Variants in ADAMTS20 observed in about 807,000 individuals in gnomAD.
The protein encoded by ADAMTS20 is ADAM metallopeptidase with thrombospondin type 1 motif 20.
Under a neutral mutation model 260.1 loss-of-function variants are expected in ADAMTS20, and 225 were observed. The ratio of observed to expected loss-of-function variants is 0.87; its 90% CI spans 0.78 to 0.97. The LOEUF is 0.97. Among genes scored for constraint, ADAMTS20 ranks in the 50% least tolerant of loss-of-function variants. ADAMTS20 has a pLI of 0.00. For synonymous variants in ADAMTS20, 802 were observed against 769.5 expected (o/e 1.04, Z -0.70); for missense variants, 2,400 against 2,337.7 (o/e 1.03, Z -0.55).
chr12:43,425,807 T>C (rs1235433136), intron 27 of ADAMTS20, 117 bp from the exon 28 acceptor site: 1 of 640,680 alleles, frequency 1.6e-6, no homozygotes, highest in Non-Finnish European at 2.4e-6. Context: ...TTAACATAAT[T>C]AGTTTACTCT....
intron 7 of ADAMTS20, among the ~76,000 whole-genome samples, chr12:43,476,606 CAAT>C (rs949994279): frequency 1.0e-5 from 1 of 98,420 alleles, no homozygotes; most frequent in African/African-American, 4.2e-5. Context: ...AAATGTCCAA[CAAT>C]GATAGACTGG....
At chr12:43,416,741 C>G (rs1380723121) in intron 28 of ADAMTS20, among the ~76,000 whole-genome samples, 1 of 151,886 alleles carries the variant, frequency 6.6e-6, no homozygotes, top group African/African-American at 2.4e-5. Flanking sequence ...CCAGGATGGT[C>G]TCGATCTCCT....
chr12:43,490,305 T>C, intron 7 of ADAMTS20, 90 bp downstream of exon 7: 15 of 674,436 alleles, frequency 2.2e-5, no homozygotes, highest in Middle Eastern at 4.2e-4. Flanking sequence ...ATTACTAAAA[T>C]GTAAAATAAA....
chr12:43,524,759 C>T (rs58862529), intron 3 of ADAMTS20, among the ~76,000 whole-genome samples: 14,388 of 152,106 alleles, frequency 0.095, 813 homozygotes, highest in Middle Eastern at 0.12. Context: ...TACAATGAAG[C>T]ATTTCAGAGC....
intron 6 of ADAMTS20, 57 bp from the exon 7 acceptor site, chr12:43,490,492 A>G (rs771338177): frequency 7.8e-6 from 7 of 894,600 alleles, no homozygotes; most frequent in Non-Finnish European, 1.1e-5. Flanking sequence ...GCAACAAGCC[A>G]AAATAAAAAT....
intron 2 of ADAMTS20, among the ~76,000 whole-genome samples, chr12:43,532,852 A>T (rs551279723): frequency 6.6e-5 from 1 of 15,208 alleles, no homozygotes; most frequent in Non-Finnish European, 1.4e-4. Flanking sequence ...ATGGTTTCCA[A>T]TTTCATCCAT....
chr12:43,492,366 C>G (rs1319114033), intron 6 of ADAMTS20, 139 bp downstream of exon 6: 9 of 1,035,258 alleles, frequency 8.7e-6, no homozygotes, highest in Non-Finnish European at 1.2e-5. Flanking sequence ...GGCGACAGAG[C>G]GAGACTCTGT....
Position 43,492,625 on chromosome 12 carries a change from C to T in ADAMTS20, c.956G>A (p.Gly319Glu). The T allele has an allele frequency of 6.2e-7, 1 of 1,613,542 alleles. No homozygotes were observed. The highest frequency in any genetic ancestry group is 8.5e-7 in the Non-Finnish European group (1 of 1,179,702). ...KLVMIHREEE[G>E]PVINFDGATT... ...AGCACCATCAAAATTAATGACTGGTCCTTCCTATGCAAAATAAGCAATGCA... is the reference window on the plus strand; with the variant it reads ...AGCACCATCAAAATTAATGACTGGTTCTTCCTATGCAAAATAAGCAATGCA... The change falls in exon 6 of 39, where the codon GGA becomes GAA. Residue 319 changes from glycine (G) to glutamate (E), a missense_variant. Gly to Glu is a moderately conservative substitution (Grantham distance 98). Coordinates refer to ENST00000389420, the MANE Select transcript of ADAMTS20 (RefSeq NM_025003.5).
chr12:43,485,510 A>C (rs1381994068), intron 7 of ADAMTS20, among the ~76,000 whole-genome samples: 2 of 152,208 alleles, frequency 1.3e-5, no homozygotes, highest in East Asian at 3.8e-4. Context: ...GAAGTGGAAC[A>C]AGACAAAGAT....
chr12:43,362,229 G>A (rs1939885131), intron 37 of ADAMTS20, among the ~76,000 whole-genome samples: 1 of 152,166 alleles, frequency 6.6e-6, no homozygotes, highest in African/African-American at 2.4e-5. Flanking sequence ...GGAAAAAACT[G>A]TTCAGAATGT....
intron 28 of ADAMTS20, chr12:43,422,979 G>A (rs1191050954): frequency 2.6e-5 from 4 of 152,038 alleles, no homozygotes; most frequent in Non-Finnish European, 1.5e-5. Context: ...TGGATATGTA[G>A]AGAAGGTTGA....
rs759412332 is a variant in ADAMTS20 at position 43,502,256 on chromosome 12, T to C, written c.763A>G (p.Ile255Val). ...ATTTCAATGTATCTTGGATATGATA[T>C]AAGACGTTTTTTCCTGGAATGTCTT... ...ERRHSRKKRL[I>V]SYPRYIEIMV... The change falls in exon 4 of 39, where the codon ATA (isoleucine) becomes GTA (valine). Residue 255 changes from isoleucine to valine, a missense_variant. Ile to Val is a conservative substitution (Grantham distance 29). Coordinates refer to ENST00000389420, the MANE Select transcript of ADAMTS20 (RefSeq NM_025003.5). The C allele has an allele frequency of 2.5e-6, 4 of 1,612,354 alleles. No individual in the cohort carries two copies. The South Asian group carries it at 3.3e-5, about 13-fold the overall frequency.
chr12:43,509,695 C>T (rs752361409), intron 3 of ADAMTS20, among the ~76,000 whole-genome samples: 3 of 151,992 alleles, frequency 2.0e-5, no homozygotes, highest in African/African-American at 7.2e-5. Flanking sequence ...GGCAAGTGAA[C>T]AAAATGGGTG....
intron 3 of ADAMTS20, among the ~76,000 whole-genome samples, chr12:43,526,272 A>G (rs758060901): frequency 6.6e-6 from 1 of 152,094 alleles, no homozygotes; most frequent in Non-Finnish European, 1.5e-5. Context: ...TGGCTAACAC[A>G]GTGAAACCCC....
chr12:43,452,442 G>C (rs1304645707), intron 13 of ADAMTS20, 32 bp from the exon 14 acceptor site: 2 of 1,606,552 alleles, frequency 1.2e-6, no homozygotes, highest in East Asian at 4.5e-5. Context: ...AATTTTTAAT[G>C]TATAATAATA....
intron 3 of ADAMTS20, among the ~76,000 whole-genome samples, chr12:43,523,227 G>A (rs1259797403): frequency 7.2e-5 from 11 of 152,168 alleles, no homozygotes; most frequent in African/African-American, 1.7e-4. Flanking sequence ...TCCAGAGCTG[G>A]AACTGATTTA....
At chr12:43,446,026 A>G (rs1414331709) in intron 15 of ADAMTS20, among the ~76,000 whole-genome samples, 1 of 152,204 alleles carries the variant, frequency 6.6e-6, no homozygotes, top group Non-Finnish European at 1.5e-5. Flanking sequence ...ATTATGGCCA[A>G]TATGTGATCC....
intron 7 of ADAMTS20, among the ~76,000 whole-genome samples, chr12:43,470,676 A>C (rs1375321766): frequency 6.6e-6 from 1 of 152,220 alleles, no homozygotes; most frequent in Non-Finnish European, 1.5e-5. Flanking sequence ...ATCCTGAAGA[A>C]TGAAAATCAT....
intron 22 of ADAMTS20, 92 bp downstream of exon 22, chr12:43,431,240 T>C (rs1941436300): frequency 3.8e-6 from 5 of 1,331,682 alleles, no homozygotes; most frequent in Non-Finnish European, 5.1e-6. Flanking sequence ...CAAATTCCAT[T>C]GCATCCACTA....
Sources: gnomAD v4.1 joint callset for allele counts (sites outside exome capture counted in the v4.1 genomes callset) on GRCh38, gnomAD v4.1.1 for gene constraint, MANE v1.5 for transcripts, NCBI Gene and HGNC (gene_info 2026-07-23, HGNC 2026-07-21) for gene names.